RIC8B: variants seen among roughly 807,000 people sequenced by gnomAD.
The protein encoded by RIC8B is chaperone Ric-8B.
A neutral mutation model predicts 57.5 loss-of-function variants in RIC8B; 16 were observed. The ratio of observed to expected loss-of-function variants is 0.28; its 90% CI spans 0.19 to 0.42. The LOEUF is 0.42. Among genes scored for constraint, RIC8B ranks in the 10% least tolerant of loss-of-function variants. RIC8B has a pLI of 1.00. For synonymous variants in RIC8B, 216 were observed against 250.8 expected, an observed-to-expected ratio of 0.86 and a Z score of 1.31; for missense variants, 481 against 677.0, an observed-to-expected ratio of 0.71 and a Z score of 3.21.
intron 8 of RIC8B, among the ~76,000 whole-genome samples, chr12:106,869,088 G>A (rs1179832588): frequency 6.6e-6 from 1 of 152,020 alleles, no homozygotes; most frequent in Non-Finnish European, 1.5e-5. Flanking sequence ...TCTTGCCTGA[G>A]CAGTTCACTT....
intron 4 of RIC8B, among the ~76,000 whole-genome samples, chr12:106,841,423 T>G (rs895163139): frequency 1.3e-5 from 2 of 152,116 alleles, no homozygotes; most frequent in Non-Finnish European, 2.9e-5. Flanking sequence ...CAATTCAGGG[T>G]AGAGGAAAGA....
intron 1 of RIC8B, among the ~76,000 whole-genome samples, chr12:106,778,875 T>G (rs1439322903): frequency 6.6e-6 from 1 of 152,240 alleles, no homozygotes. Context: ...CTTTAGTCCC[T>G]GATAGAAAAC....
chr12:106,872,959 T>C, intron 9 of RIC8B: 1 of 886,708 alleles, frequency 1.1e-6, no homozygotes, highest in African/African-American at 1.8e-5. Flanking sequence ...ATAGAGGAAC[T>C]ACCATTTCAT....
At chr12:106,874,623 C>T (rs369626667) in intron 9 of RIC8B, 14 of 1,295,756 alleles carry the variant, frequency 1.1e-5, no homozygotes, top group Middle Eastern at 1.9e-4. Flanking sequence ...ATGTTATTCA[C>T]TACCAAAATT....
intron 4 of RIC8B, among the ~76,000 whole-genome samples, chr12:106,841,951 G>C (rs1948969427): frequency 6.6e-6 from 1 of 152,128 alleles, no homozygotes; most frequent in African/African-American, 2.4e-5. Flanking sequence ...ATACACAGCT[G>C]AAAGGCCTAG....
At chr12:106,802,906 T>G (rs770686996) in intron 2 of RIC8B, among the ~76,000 whole-genome samples, 1 of 152,036 alleles carries the variant, frequency 6.6e-6, no homozygotes, top group African/African-American at 2.4e-5. Flanking sequence ...TAAGGAAATA[T>G]CAGTTTAAAA....
At chr12:106,817,589 G>A (rs2045629646) in intron 3 of RIC8B, among the ~76,000 whole-genome samples, 1 of 152,082 alleles carries the variant, frequency 6.6e-6, no homozygotes, top group African/African-American at 2.4e-5. Flanking sequence ...GGAGGCCGAG[G>A]CGGGGAGATC....
At chr12:106,883,800 G>A (rs370499164) in intron 9 of RIC8B, among the ~76,000 whole-genome samples, 9 of 151,738 alleles carry the variant, frequency 5.9e-5, no homozygotes, top group African/African-American at 2.2e-4. Context: ...TAAAACAAAC[G>A]TAATCAAACA....
intron 9 of RIC8B, among the ~76,000 whole-genome samples, chr12:106,877,500 T>G (rs1479569315): frequency 1.3e-5 from 2 of 152,198 alleles, no homozygotes; most frequent in Non-Finnish European, 2.9e-5. Context: ...GTTGAGCTCT[T>G]CGTAGGTATC....
chr12:106,874,646 A>G (rs1593389501), intron 9 of RIC8B: 4 of 1,073,550 alleles, frequency 3.7e-6, no homozygotes, highest in African/African-American at 3.2e-5. Context: ...AAAACCACCA[A>G]TGTAAAAGTT....
chr12:106,823,138 A>C (rs2045927388), intron 3 of RIC8B: 1 of 202,168 alleles, frequency 4.9e-6, no homozygotes, highest in African/African-American at 2.3e-5. Context: ...TGACCTATTA[A>C]ACACACACCC....
intron 2 of RIC8B, among the ~76,000 whole-genome samples, chr12:106,791,509 T>C (rs1479830700): frequency 1.3e-5 from 2 of 152,222 alleles, no homozygotes; most frequent in African/African-American, 4.8e-5. Context: ...TCTTACTCAG[T>C]TTGGGGCAGT....
At chr12:106,817,088 T>G (rs1005449074) in intron 3 of RIC8B, among the ~76,000 whole-genome samples, 1 of 152,206 alleles carries the variant, frequency 6.6e-6, no homozygotes, top group Non-Finnish European at 1.5e-5. Flanking sequence ...AATGTCTTCA[T>G]GAGTTTCCAA....
chr12:106,825,732 T>A lies in RIC8B; in HGVS notation c.748T>A (p.Ser250Thr). The change falls in exon 4 of 10, where the codon TCT (serine) becomes ACT (threonine). Residue 250 changes from serine to threonine, a missense_variant. Transcript: ENST00000392837. ...DSWKVHKESD[S>T]HQFRVMAAVL... ...TCTTTTTTATTTGCCATAGAGTGAT[T>A]CTCATCAGTTCCGTGTAATGGCAGC... 6.2e-7 allele frequency: 1 copy of A among 1,612,662 alleles called. No homozygotes were observed. Among genetic ancestry groups the A allele is most frequent in the Non-Finnish European group, 8.5e-7 (1 of 1,178,704 alleles).
intron 4 of RIC8B, among the ~76,000 whole-genome samples, chr12:106,841,006 C>G (rs764378857): frequency 2.0e-5 from 3 of 152,078 alleles, no homozygotes; most frequent in Non-Finnish European, 4.4e-5. Flanking sequence ...TATTTAGTAA[C>G]AATTTCTAAG....
intron 9 of RIC8B, chr12:106,874,390 C>T: frequency 1.0e-6 from 1 of 969,640 alleles, no homozygotes; most frequent in Non-Finnish European, 1.6e-6. Context: ...TTCTCCTGCA[C>T]CTGAATTGAA....
intron 2 of RIC8B, among the ~76,000 whole-genome samples, chr12:106,804,991 G>C (rs1297384743): frequency 6.6e-6 from 1 of 152,160 alleles, no homozygotes; most frequent in South Asian, 2.1e-4. Flanking sequence ...GTTTGGACAG[G>C]CATTAGAGAG....
chr12:106,788,624 G>A (rs764951365), intron 2 of RIC8B, among the ~76,000 whole-genome samples: 1 of 152,204 alleles, frequency 6.6e-6, no homozygotes, highest in Non-Finnish European at 1.5e-5. Flanking sequence ...CCACATGGAA[G>A]CTGCCAAGGT....
intron 8 of RIC8B, among the ~76,000 whole-genome samples, chr12:106,870,001 T>C (rs1047263225): frequency 6.6e-6 from 1 of 152,056 alleles, no homozygotes; most frequent in Admixed American, 6.5e-5. Context: ...TGTGATCTCT[T>C]GTCTGCTTCT....
Sources: allele counts gnomAD v4.1 joint callset (sites outside exome capture counted in the v4.1 genomes callset), GRCh38; gene constraint gnomAD v4.1.1; transcripts MANE v1.5; gene names NCBI Gene and HGNC (gene_info 2026-07-23, HGNC 2026-07-21).